RGS6: variants seen among roughly 807,000 people sequenced by gnomAD.
RGS6 encodes regulator of G-protein signaling 6.
Under a neutral mutation model 78.5 loss-of-function variants are expected in RGS6, and 30 were observed. The ratio of observed to expected loss-of-function variants is 0.38; its 90% CI spans 0.29 to 0.52. RGS6 has a LOEUF of 0.52. Ranked by LOEUF, RGS6 falls within the 20% of genes least tolerant of loss-of-function variation. RGS6 has a pLI of 0.85. For synonymous variants in RGS6, 206 were observed against 206.0 expected (o/e 1.00, Z 0.00); for missense variants, 495 against 609.7 (o/e 0.81, Z 1.98).
chr14:72,310,519 A>G (rs1435817888), intron 2 of RGS6, among the ~76,000 whole-genome samples: 1 of 152,148 alleles, frequency 6.6e-6, no homozygotes, highest in Non-Finnish European at 1.5e-5. Flanking sequence ...CCGTTAGCTT[A>G]ATTATTGGGG....
chr14:72,470,287 G>T (rs1034173354), intron 8 of RGS6, among the ~76,000 whole-genome samples: 3 of 152,212 alleles, frequency 2.0e-5, no homozygotes, highest in Non-Finnish European at 4.4e-5. Context: ...TTTCAGAAAT[G>T]TGTGTTTCAG....
intron 10 of RGS6, among the ~76,000 whole-genome samples, chr14:72,475,199 GTTTTTTT>G (rs11300478): frequency 2.5e-5 from 3 of 122,010 alleles, no homozygotes; most frequent in Non-Finnish European, 5.1e-5. Context: ...CTTTTTTATG[GTTTTTTT>G]TTTTTTTTTT....
intron 2 of RGS6, among the ~76,000 whole-genome samples, chr14:71,998,816 T>G (rs2153216143): frequency 6.6e-6 from 1 of 152,364 alleles, no homozygotes; most frequent in South Asian, 2.1e-4. Context: ...AAGGGTCAAG[T>G]TAAGAACTGT....
intron 6 of RGS6, among the ~76,000 whole-genome samples, chr14:72,460,861 T>G (rs1334545431): frequency 6.6e-6 from 1 of 151,590 alleles, no homozygotes; most frequent in Non-Finnish European, 1.5e-5. Context: ...AACCTTGGAG[T>G]CACACGTTTG....
chr14:72,290,671 A>G (rs956846459), intron 2 of RGS6, among the ~76,000 whole-genome samples: 1 of 152,202 alleles, frequency 6.6e-6, no homozygotes, highest in Non-Finnish European at 1.5e-5. Flanking sequence ...AGCAAGGAAG[A>G]AACTAGGCAT....
chr14:72,074,687 C>G (rs1482393317), intron 2 of RGS6, among the ~76,000 whole-genome samples: 1 of 152,060 alleles, frequency 6.6e-6, no homozygotes, highest in East Asian at 1.9e-4. Flanking sequence ...TTTCAGTTAT[C>G]CAGCATCCCC....
chr14:72,389,239 G>C (rs899396496), intron 3 of RGS6, among the ~76,000 whole-genome samples: 1 of 152,102 alleles, frequency 6.6e-6, no homozygotes, highest in African/African-American at 2.4e-5. Flanking sequence ...TCCATCAACT[G>C]TGTGGTCCCA....
chr14:72,109,487 T>A (rs2095706517), intron 2 of RGS6, among the ~76,000 whole-genome samples: 1 of 152,202 alleles, frequency 6.6e-6, no homozygotes, highest in South Asian at 2.1e-4. Context: ...AGATATAGCA[T>A]TTTTGGAGCT....
At chr14:72,578,623 G>A in the RGS6 span, among the ~76,000 whole-genome samples, 1 of 152,250 alleles carries the variant, frequency 6.6e-6, no homozygotes, top group Non-Finnish European at 1.5e-5. Context: ...CTGGGGTAGT[G>A]TTGAGATGCA....
rs190724330 is a variant in RGS6 at position 72,332,164 on chromosome 14, C to T, written c.85-19931C>T. 5.9e-5 allele frequency among the ~76,000 whole-genome samples: 9 copies of T among 152,302 alleles called. No homozygotes were observed. In the South Asian group the frequency reaches 6.2e-4, roughly 11 times the overall value. On this transcript the variant is annotated intron_variant, in intron 2 of 17. Coordinates refer to ENST00000553525, the MANE Select transcript of RGS6 (RefSeq NM_001204424.2). Reference sequence around the variant, plus strand: ...GGCTGGGGAAACCGTCTGACAGACACGGTGGGCTGCTGCCAGAACCAGGTC... The same window carrying T: ...GGCTGGGGAAACCGTCTGACAGACATGGTGGGCTGCTGCCAGAACCAGGTC...
chr14:72,526,604 C>G lies in RGS6; in HGVS notation c.1278+8067C>G, dbSNP rs551830580. ...GCAAAGGATCATTTACTCTCACATC[C>G]TCTTATGACCTGGAATGATGCCTTA... On this transcript the variant is annotated intron_variant, in intron 15 of 17. Coordinates refer to ENST00000553525, the MANE Select transcript of RGS6 (RefSeq NM_001204424.2). 1.2e-3 allele frequency among the ~76,000 whole-genome samples: 185 copies of G among 152,336 alleles called. 1 individual carries two copies. The highest frequency in any genetic ancestry group is 4.2e-3 in the African/African-American group (175 of 41,574).
intron 2 of RGS6, among the ~76,000 whole-genome samples, chr14:72,301,983 G>A (rs1160530135): frequency 6.6e-6 from 1 of 152,164 alleles, no homozygotes; most frequent in Non-Finnish European, 1.5e-5. Context: ...CTGCTTATAG[G>A]TGGAAAATAA....
intron 1 of RGS6, among the ~76,000 whole-genome samples, chr14:71,950,192 C>T (rs1327959299): frequency 1.3e-5 from 2 of 152,158 alleles, no homozygotes; most frequent in African/African-American, 4.8e-5. Context: ...TACAAAGTGA[C>T]AGTCACCAGA....
At chr14:72,415,536 A>C (rs1425975274) in intron 3 of RGS6, among the ~76,000 whole-genome samples, 1 of 152,140 alleles carries the variant, frequency 6.6e-6, no homozygotes, top group Non-Finnish European at 1.5e-5. Context: ...GGTGCGCTGC[A>C]CCCACTGTCC....
rs142446731 is a variant in RGS6 at position 72,104,299 on chromosome 14, C to G, written c.84+139424C>G. 2.1e-4 allele frequency among the ~76,000 whole-genome samples: 32 copies of G among 152,270 alleles called. 1 individual carries two copies. Among genetic ancestry groups the G allele is most frequent in the African/African-American group, 5.8e-4 (24 of 41,558 alleles). On this transcript the variant is annotated intron_variant, in intron 2 of 17. Transcript: ENST00000553525. ...AACGAATTCTCATTCTTGATTCTTA[C>G]CACTGCAGTGTTTACCAACTTTGAG...
intron 2 of RGS6, among the ~76,000 whole-genome samples, chr14:72,140,480 G>A (rs2096524515): frequency 6.6e-6 from 1 of 152,172 alleles, no homozygotes; most frequent in Non-Finnish European, 1.5e-5. Context: ...AGAATGATAG[G>A]CCATAGGACT....
In RGS6 at chr14:72,223,148, G is replaced by A. The variant is rs566863713; in HGVS notation, c.85-128947G>A. ...ATTTTCTCGTTAGACTTCACAATGA[G>A]TGTGGAAAACAAATGATCAGTCTGT... On this transcript the variant is annotated intron_variant, in intron 2 of 17. Coordinates refer to ENST00000553525, the MANE Select transcript of RGS6 (RefSeq NM_001204424.2). 3.9e-5 allele frequency among the ~76,000 whole-genome samples: 6 copies of A among 152,294 alleles called. No individual in the cohort carries two copies. The East Asian group carries it at 5.8e-4, about 15-fold the overall frequency.
At chr14:71,894,164 T>A in the RGS6 span, among the ~76,000 whole-genome samples, 1 of 152,144 alleles carries the variant, frequency 6.6e-6, no homozygotes, top group African/African-American at 2.4e-5. Flanking sequence ...GACTCCATTT[T>A]GAGTGAGGGC....
At chr14:72,322,987 G>A (rs1386533069) in intron 2 of RGS6, among the ~76,000 whole-genome samples, 1 of 151,992 alleles carries the variant, frequency 6.6e-6, no homozygotes, top group African/African-American at 2.4e-5. Flanking sequence ...CGGCTACAAG[G>A]AAAGATACCT....
Sources: allele counts gnomAD v4.1 joint callset (sites outside exome capture counted in the v4.1 genomes callset), GRCh38; gene constraint gnomAD v4.1.1; transcripts MANE v1.5; gene names NCBI Gene and HGNC (gene_info 2026-07-23, HGNC 2026-07-21).